The following POLN variants were observed in gnomAD, a reference collection of about 807,000 sequenced individuals.
POLN encodes DNA polymerase N.
POLN carries 108 observed loss-of-function variants against 113.5 expected under a neutral mutation model. The observed-to-expected ratio is 0.95, with a 90% CI of 0.81 to 1.12. POLN has a LOEUF of 1.12. Ranked by LOEUF, POLN falls within the 50% of genes most tolerant of loss-of-function variation. The pLI is 0.00. For synonymous variants in POLN, 386 were observed against 391.5 expected (o/e 0.99, Z 0.17); for missense variants, 1,097 against 1,077.1 (o/e 1.02, Z -0.26).
rs1162571905 is a variant in POLN at position 2,126,264 on chromosome 4, T to G, written c.1982+1849A>C. Among the ~76,000 whole-genome samples the G allele has an allele frequency of 1.3e-5, 2 of 152,148 alleles. No homozygotes were observed. The highest frequency in any genetic ancestry group is 2.9e-5 in the Non-Finnish European group (2 of 68,024). ...ACAGCTACTCCAAAGTCCAGGTGAG[T>G]GTAGAGTAACATTCTCAATCCTCTG... On this transcript the variant is annotated intron_variant, in intron 19 of 25. Transcript: ENST00000511885. The surrounding 1 kb of genome is among the most constrained non-coding windows in gnomAD (Gnocchi z 4.6).
chr4:2,084,720 C>A lies in POLN; in HGVS notation c.2197+893G>T, dbSNP rs6856975. ...CACGAGGCTGCCACACAGACACTGC[C>A]GGCACCCAGAGGAAACAGGCCGCAG... On this transcript the variant is annotated intron_variant, in intron 21 of 25. Transcript: ENST00000511885. Among the ~76,000 whole-genome samples, 913 of 152,308 alleles carry A rather than the reference C, an allele frequency of 6.0e-3. 10 individuals carry two copies. The highest frequency in any genetic ancestry group is 0.021 in the African/African-American group (862 of 41,554).
At chr4:2,190,457 T>A (rs970723496) in intron 7 of POLN, among the ~76,000 whole-genome samples, 1 of 148,434 alleles carries the variant, frequency 6.7e-6, no homozygotes, top group African/African-American at 2.6e-5. Context: ...AATGCTCCAG[T>A]GCATTTGTCT....
rs117021482 is a variant in POLN, at chr4:2,204,459, A to T, written c.714+3528T>A. On this transcript the variant is annotated intron_variant, in intron 5 of 25. Coordinates refer to ENST00000511885, the MANE Select transcript of POLN (RefSeq NM_181808.4). Reference sequence around the variant, plus strand: ...CTGAAATGGTAACAAAAAAATTACAAATAAAAAAAGTCCAAGACCAGACAG... The same window carrying T: ...CTGAAATGGTAACAAAAAAATTACATATAAAAAAAGTCCAAGACCAGACAG... Among the ~76,000 whole-genome samples the T allele has an allele frequency of 1.2e-4, 18 of 152,320 alleles. No homozygotes were observed. In the East Asian group the frequency reaches 3.5e-3, roughly 29 times the overall value.
intron 2 of POLN, chr4:2,240,947 G>A (rs1560107548): frequency 1.3e-6 from 2 of 1,583,508 alleles, no homozygotes; most frequent in Non-Finnish European, 1.7e-6. Flanking sequence ...CACAACTCAT[G>A]GTTTTAACTA....
chr4:2,162,104 A>T (rs2108742854), intron 13 of POLN, among the ~76,000 whole-genome samples: 1 of 152,156 alleles, frequency 6.6e-6, no homozygotes, highest in East Asian at 1.9e-4. Context: ...AGCAGCGGCA[A>T]CCCGCTCCGG....
At chr4:2,165,839 TAATCACTGCTCAGTGC>T (rs1438926995) in intron 13 of POLN, among the ~76,000 whole-genome samples, 1 of 152,112 alleles carries the variant, frequency 6.6e-6, no homozygotes, top group African/African-American at 2.4e-5. Context: ...GGCAGTGGTA[TAATCACTGCTCAGTGC>T]AGCCTTGAAC....
In POLN at chr4:2,170,703, T is replaced by C. The variant is rs780861271; in HGVS notation, c.1530A>G (p.Lys510=). Residue 510 remains lysine, a synonymous_variant, in exon 13 of 26, where the codon AAA becomes AAG. Transcript: ENST00000511885. The part of the protein sequence containing the change: ...RNSLPRTGLQ[K]YPSTSEAVLN... The stretch of plus-strand genomic sequence containing the variant: ...CCACTGCTTCTGATGTAGACGGGTA[T>C]TTCTGCAACCCCGTTCTGGGGAGAC... 4 of 1,614,100 alleles carry C rather than the reference T, an allele frequency of 2.5e-6. No homozygotes were observed. The highest frequency in any genetic ancestry group is 3.4e-6 in the Non-Finnish European group (4 of 1,179,968).
At chr4:2,230,384 C>T (rs1020070072) in intron 2 of POLN, 1 of 151,940 alleles carries the variant, frequency 6.6e-6, no homozygotes, top group Non-Finnish European at 1.5e-5. Flanking sequence ...ACCAGGAAAC[C>T]AGGTGACATA....
chr4:2,077,549 C>G (rs1730305455), intron 23 of POLN, among the ~76,000 whole-genome samples: 1 of 152,264 alleles, frequency 6.6e-6, no homozygotes, highest in Non-Finnish European at 1.5e-5. Flanking sequence ...CCCAGGCTGT[C>G]AGCACCAGCA....
At chr4:2,117,120 G>A (rs1418258924) in intron 19 of POLN, among the ~76,000 whole-genome samples, 1 of 152,188 alleles carries the variant, frequency 6.6e-6, no homozygotes, top group Non-Finnish European at 1.5e-5. Flanking sequence ...TGTGATTCGG[G>A]ATTGTGGCCC....
rs375628617 is a variant in POLN at position 2,106,603 on chromosome 4, G to A, written c.1983-10670C>T. The stretch of plus-strand genomic sequence containing the variant: ...TCAGCACACACAGGATCAGTAAACA[G>A]AAAGCCCAGGGCTCTTACAGATGAT... On this transcript the variant is annotated intron_variant, in intron 19 of 25. Coordinates refer to ENST00000511885, the MANE Select transcript of POLN (RefSeq NM_181808.4). Among the ~76,000 whole-genome samples the A allele has an allele frequency of 4.6e-5, 7 of 152,340 alleles. No homozygotes were observed. The East Asian group carries it at 5.8e-4, about 13-fold the overall frequency.
chr4:2,101,143 A>C (rs2108704536), intron 19 of POLN, among the ~76,000 whole-genome samples: 1 of 152,258 alleles, frequency 6.6e-6, no homozygotes, highest in Middle Eastern at 3.4e-3. Flanking sequence ...TACATGCCTA[A>C]ACATGAAAAA....
intron 16 of POLN, among the ~76,000 whole-genome samples, chr4:2,134,150 T>A (rs1383032244): frequency 6.6e-6 from 1 of 152,384 alleles, no homozygotes. Context: ...TTTGGCAATA[T>A]GAATTTAAGA....
intron 19 of POLN, among the ~76,000 whole-genome samples, chr4:2,120,162 T>C (rs903575670): frequency 2.0e-5 from 3 of 152,324 alleles, no homozygotes; most frequent in South Asian, 4.1e-4. Context: ...ACTATATATA[T>C]AAAGTTTTAA....
intron 16 of POLN, among the ~76,000 whole-genome samples, chr4:2,155,956 T>TC (rs1732412490): frequency 2.0e-5 from 3 of 152,060 alleles, no homozygotes; most frequent in African/African-American, 4.8e-5. Context: ...TGCCTCAGCC[T>TC]CCCTAGTACC....
intron 22 of POLN, chr4:2,081,413 G>T: frequency 1.6e-6 from 1 of 623,386 alleles, no homozygotes. Flanking sequence ...CAGTTCTTGC[G>T]GGAATCATCC....
intron 16 of POLN, among the ~76,000 whole-genome samples, chr4:2,131,885 A>G (rs951612568): frequency 1.3e-5 from 2 of 152,202 alleles, no homozygotes; most frequent in Non-Finnish European, 2.9e-5. Flanking sequence ...AACTATTCAA[A>G]TCATGAGAAT....
intron 21 of POLN, among the ~76,000 whole-genome samples, chr4:2,084,410 A>C (rs979905983): frequency 6.6e-6 from 1 of 152,196 alleles, no homozygotes; most frequent in African/African-American, 2.4e-5. Flanking sequence ...TGTTCTTCTC[A>C]GACCTGGACG....
At chr4:2,232,080 C>T in intron 2 of POLN, 1 of 1,602,394 alleles carries the variant, frequency 6.2e-7, no homozygotes, top group Non-Finnish European at 8.5e-7. Context: ...TTTTTGTCTT[C>T]ACATCAGCAA....
Sources: gnomAD v4.1 joint callset for allele counts (sites outside exome capture counted in the v4.1 genomes callset) on GRCh38, gnomAD v4.1.1 for gene constraint, Gnocchi (gnomAD v3.1) non-coding constraint, MANE v1.5 for transcripts, NCBI Gene and HGNC (gene_info 2026-07-23, HGNC 2026-07-21) for gene names.